EVI5: variants seen among roughly 807,000 people sequenced by gnomAD.
EVI5 encodes ecotropic viral integration site 5 protein homolog.
EVI5 carries 73 observed loss-of-function variants against 112.0 expected under a neutral mutation model. That is an observed-to-expected ratio of 0.65 (90% CI 0.54 to 0.79). The LOEUF is 0.79. EVI5 is among the 30% of genes least tolerant of loss of function. EVI5 has a pLI of 0.00. For missense variants in EVI5, 900 were observed against 968.8 expected, an observed-to-expected ratio of 0.93 and a Z score of 0.94; for synonymous variants, 305 against 319.9, an observed-to-expected ratio of 0.95 and a Z score of 0.50.
intron 19 of EVI5, among the ~76,000 whole-genome samples, chr1:92,530,876 T>C (rs1662756101): frequency 6.6e-6 from 1 of 151,902 alleles, no homozygotes; most frequent in Non-Finnish European, 1.5e-5. Flanking sequence ...GAACATCTCT[T>C]TTCCTCCAAA....
chr1:92,599,066 T>C (rs915283616), intron 18 of EVI5, among the ~76,000 whole-genome samples: 3 of 151,670 alleles, frequency 2.0e-5, no homozygotes, highest in African/African-American at 7.3e-5. Flanking sequence ...ATAGCATGTA[T>C]ATAAATATAC....
intron 19 of EVI5, among the ~76,000 whole-genome samples, chr1:92,548,596 C>T (rs1571454869): frequency 6.6e-6 from 1 of 152,182 alleles, no homozygotes; most frequent in South Asian, 2.1e-4. Flanking sequence ...TTTAGAAAAC[C>T]CCATCGTCTC....
chr1:92,570,073 G>C (rs1670095926), intron 18 of EVI5, among the ~76,000 whole-genome samples: 1 of 151,906 alleles, frequency 6.6e-6, no homozygotes, highest in Admixed American at 6.6e-5. Flanking sequence ...GAGAGTGAGT[G>C]AAACAGGAAG....
intron 1 of EVI5, among the ~76,000 whole-genome samples, chr1:92,743,314 C>T (rs542752588): frequency 8.6e-4 from 131 of 152,050 alleles, no homozygotes; most frequent in African/African-American, 2.3e-3. Context: ...GATCGTGCCA[C>T]TGCACTCCAG....
intron 2 of EVI5, among the ~76,000 whole-genome samples, chr1:92,720,381 A>G (rs926826921): frequency 2.6e-5 from 4 of 152,010 alleles, no homozygotes; most frequent in African/African-American, 4.8e-5. Context: ...GCACATCTAC[A>G]ACCATCTGCT....
At chr1:92,753,413 A>T (rs1215490809) in intron 1 of EVI5, among the ~76,000 whole-genome samples, 1 of 152,240 alleles carries the variant, frequency 6.6e-6, no homozygotes, top group Admixed American at 6.5e-5. Context: ...AAGCCATATC[A>T]GTTAAGATTC....
intron 18 of EVI5, among the ~76,000 whole-genome samples, chr1:92,572,368 T>C (rs1670439764): frequency 1.3e-5 from 2 of 152,164 alleles, no homozygotes; most frequent in South Asian, 4.1e-4. Context: ...GTGTTCACTG[T>C]ACAATTCTTT....
Position 92,653,057 on chromosome 1 carries a change from G to A in EVI5, c.1392+9662C>T, listed in dbSNP as rs1191293435. 2.0e-5 allele frequency among the ~76,000 whole-genome samples: 3 copies of A among 152,150 alleles called. No homozygotes were observed. The South Asian group carries it at 6.2e-4, about 32-fold the overall frequency. On this transcript the variant is annotated intron_variant, in intron 13 of 19. Coordinates refer to ENST00000684568, the MANE Select transcript of EVI5 (RefSeq NM_001350197.2). ...GGGCAGTGATTTGGGGACTTCTTGA[G>A]GGCACTGCACCAGATTACCAACTTG...
intron 13 of EVI5, among the ~76,000 whole-genome samples, chr1:92,643,049 T>C (rs1199399525): frequency 6.6e-6 from 1 of 152,156 alleles, no homozygotes; most frequent in African/African-American, 2.4e-5. Context: ...GTTGGTCTCA[T>C]CAGGAAAAGT....
intron 18 of EVI5, among the ~76,000 whole-genome samples, chr1:92,593,289 C>G (rs950933714): frequency 2.0e-5 from 3 of 152,130 alleles, no homozygotes; most frequent in Non-Finnish European, 4.4e-5. Context: ...AAATGTAATC[C>G]AGCATATAAA....
Position 92,548,630 on chromosome 1 carries a change from T to C in EVI5, c.2166+15012A>G, listed in dbSNP as rs1666222633. 2.6e-5 allele frequency among the ~76,000 whole-genome samples: 4 copies of C among 152,324 alleles called. No homozygotes were observed. In the South Asian group the frequency reaches 8.3e-4, roughly 32 times the overall value. On this transcript the variant is annotated intron_variant, in intron 19 of 19. Transcript: ENST00000684568. ...TCAGCCCAAAATCTCCTTAAGCTGA[T>C]AAGCAACTTCAGCAAAGTCTCAGGA...
chr1:92,512,839 C>T lies in EVI5; in HGVS notation c.*817G>A, dbSNP rs1224376080. 3 of 148,292 alleles carry T rather than the reference C, an allele frequency of 2.0e-5. No individual in the cohort carries two copies. The highest frequency in any genetic ancestry group is 7.3e-5 in the African/African-American group (3 of 40,930). The allele number at this position is 148,292 out of a possible 1,614,324, so 9.2% of individuals were successfully genotyped here. On this transcript the variant is annotated 3_prime_UTR_variant, in exon 20 of 20. Coordinates refer to ENST00000684568, the MANE Select transcript of EVI5 (RefSeq NM_001350197.2). ...AAAAAATAAAAATAGAAAAAAAAAA[C>T]CTCCCAGACACAAACAGACAAGGTA...
chr1:92,566,678 G>A (rs1308128377), intron 18 of EVI5, among the ~76,000 whole-genome samples: 1 of 152,062 alleles, frequency 6.6e-6, no homozygotes, highest in Non-Finnish European at 1.5e-5. Flanking sequence ...TCTCATAGGA[G>A]ATGACAGCTC....
chr1:92,628,015 C>A (rs1243613366), intron 14 of EVI5, among the ~76,000 whole-genome samples: 1 of 152,136 alleles, frequency 6.6e-6, no homozygotes, highest in East Asian at 1.9e-4. Flanking sequence ...CTCTTGAACT[C>A]CTGACCTTGT....
intron 2 of EVI5, among the ~76,000 whole-genome samples, chr1:92,724,645 A>C (rs1031542158): frequency 6.6e-5 from 10 of 151,974 alleles, no homozygotes; most frequent in African/African-American, 2.4e-4. Flanking sequence ...CCATCTCTAT[A>C]AAAAGTACAA....
At chr1:92,671,188 C>T (rs1665819973) in intron 10 of EVI5, among the ~76,000 whole-genome samples, 2 of 152,032 alleles carry the variant, frequency 1.3e-5, no homozygotes, top group South Asian at 4.2e-4. Flanking sequence ...CATTCTGCTC[C>T]ACTCGTTTCT....
At chr1:92,554,048 G>C (rs1253719814) in intron 19 of EVI5, among the ~76,000 whole-genome samples, 2 of 152,172 alleles carry the variant, frequency 1.3e-5, no homozygotes, top group Non-Finnish European at 2.9e-5. Context: ...TTTTCAGAAA[G>C]TCATCAAATA....
At chr1:92,640,675 C>T (rs1659773350) in intron 13 of EVI5, among the ~76,000 whole-genome samples, 2 of 151,406 alleles carry the variant, frequency 1.3e-5, no homozygotes, top group South Asian at 4.2e-4. Flanking sequence ...ATTAGTTCAA[C>T]CAACACGGTT....
intron 19 of EVI5, among the ~76,000 whole-genome samples, chr1:92,520,835 T>TA (rs1244754801): frequency 2.7e-5 from 4 of 149,162 alleles, no homozygotes; most frequent in African/African-American, 7.4e-5. Flanking sequence ...GCCTGGGTGA[T>TA]AGAGTGCAAC....
Sources: gnomAD v4.1 joint callset for allele counts (sites outside exome capture counted in the v4.1 genomes callset) on GRCh38, gnomAD v4.1.1 for gene constraint, MANE v1.5 for transcripts, NCBI Gene and HGNC (gene_info 2026-07-23, HGNC 2026-07-21) for gene names.